RAI14: variants seen among roughly 807,000 people sequenced by gnomAD.
RAI14 encodes the protein retinoic acid induced 14.
Under a neutral mutation model 115.4 loss-of-function variants are expected in RAI14, and 45 were observed. That is an observed-to-expected ratio of 0.39 (90% CI 0.31 to 0.50). The LOEUF (loss-of-function observed/expected upper bound fraction) is 0.50. Among genes scored for constraint, RAI14 ranks in the 20% least tolerant of loss-of-function variants. The pLI, the probability that RAI14 is intolerant of heterozygous loss-of-function variation, is 0.85. For missense variants in RAI14, 939 were observed against 1,131.2 expected (o/e 0.83, Z 2.44); for synonymous variants, 371 against 415.4 (o/e 0.89, Z 1.30).
At position 34,718,636 on chromosome 5, in the gene RAI14, A is replaced by G. The variant is rs990135925; in HGVS notation, c.36+31681A>G. Among the ~76,000 whole-genome samples the G allele has an allele frequency of 2.6e-5, 4 of 152,302 alleles. No individual in the cohort carries two copies. The South Asian group carries it at 8.3e-4, about 32-fold the overall frequency. On this transcript the variant is annotated intron_variant, in intron 2 of 17. Coordinates refer to ENST00000265109, the MANE Select transcript of RAI14 (RefSeq NM_015577.3). ...GGCCAAAGCCCCCAGGTTGGGATCT[A>G]CTGGGAGAATCAAAAGATTGTGAAT...
chr5:34,781,298 C>T (rs1263910621), intron 3 of RAI14, among the ~76,000 whole-genome samples: 2 of 151,726 alleles, frequency 1.3e-5, no homozygotes. Flanking sequence ...GTGCAGCACA[C>T]CAACGTGGCA....
Position 34,747,437 on chromosome 5 carries a change from C to G in RAI14, c.37-10031C>G, listed in dbSNP as rs201646843. 2.6e-5 allele frequency among the ~76,000 whole-genome samples: 4 copies of G among 152,314 alleles called. No individual in the cohort carries two copies. The East Asian group carries it at 7.7e-4, about 29-fold the overall frequency. On this transcript the variant is annotated intron_variant, in intron 2 of 17. Coordinates refer to ENST00000265109, the MANE Select transcript of RAI14 (RefSeq NM_015577.3). Reference sequence around the variant, plus strand: ...ACATAAGTAGCTATTGGGTATGTTTCTCTTCTCAGAAGTCTGAAGGCTCCT... The same window carrying G: ...ACATAAGTAGCTATTGGGTATGTTTGTCTTCTCAGAAGTCTGAAGGCTCCT...
chr5:34,820,390 G>T (rs1756699072), intron 13 of RAI14, among the ~76,000 whole-genome samples: 1 of 152,284 alleles, frequency 6.6e-6, no homozygotes, highest in Admixed American at 6.5e-5. Flanking sequence ...GACCAGCCTG[G>T]CCAATGTGGC....
chr5:34,725,534 T>C (rs960983439), intron 2 of RAI14, among the ~76,000 whole-genome samples: 2 of 151,928 alleles, frequency 1.3e-5, no homozygotes, highest in Admixed American at 6.6e-5. Context: ...CAGAAAATAT[T>C]TGTAGCCAAA....
In RAI14 at chr5:34,664,331, T is replaced by TA. The variant is rs1210559321; in HGVS notation, c.-49+7867dup. Among the ~76,000 whole-genome samples the TA allele has an allele frequency of 4.4e-3, 591 of 135,368 alleles. 11 individuals carry two copies. The highest frequency in any genetic ancestry group is 0.015 in the African/African-American group (545 of 36,414). 88.8% of individuals were successfully genotyped at this position (135,368 alleles called of 152,430 possible). On this transcript the variant is annotated intron_variant, in intron 1 of 17. Coordinates refer to ENST00000265109, the MANE Select transcript of RAI14 (RefSeq NM_015577.3). ...ATGGCACAAAACCCCATATCTACTT[T>TA]AAAAAAAAAAAGTATATTTATATTG...
At chr5:34,728,244 ACTTGT>A (rs1025830595) in intron 2 of RAI14, among the ~76,000 whole-genome samples, 10 of 152,090 alleles carry the variant, frequency 6.6e-5, no homozygotes, top group African/African-American at 2.4e-4. Flanking sequence ...GATGGAAGGG[ACTTGT>A]CTTGTCTCAG....
intron 2 of RAI14, among the ~76,000 whole-genome samples, chr5:34,726,562 A>T (rs764640534): frequency 3.9e-5 from 6 of 152,164 alleles, no homozygotes; most frequent in Non-Finnish European, 8.8e-5. Flanking sequence ...TGAGATTTGG[A>T]TGGGGACACA....
At chr5:34,792,352 G>A (rs1442166290) in intron 3 of RAI14, among the ~76,000 whole-genome samples, 1 of 149,274 alleles carries the variant, frequency 6.7e-6, no homozygotes, top group African/African-American at 2.5e-5. Flanking sequence ...TCCTCTCTCA[G>A]CCTCCCGAGT....
chr5:34,808,532 G>A (rs1184082132), intron 6 of RAI14, 52 bp from the exon 7 acceptor site: 2 of 1,522,956 alleles, frequency 1.3e-6, no homozygotes, highest in Non-Finnish European at 1.8e-6. Context: ...GATACCCCTG[G>A]TTGTGAATAA....
intron 7 of RAI14, among the ~76,000 whole-genome samples, chr5:34,809,736 A>G (rs1755362229): frequency 6.6e-6 from 1 of 152,148 alleles, no homozygotes; most frequent in Admixed American, 6.6e-5. Context: ...TCTACCATCA[A>G]TGTAATTACA....
At chr5:34,712,622 T>G (rs1414684890) in intron 2 of RAI14, among the ~76,000 whole-genome samples, 1 of 152,246 alleles carries the variant, frequency 6.6e-6, no homozygotes, top group Non-Finnish European at 1.5e-5. Flanking sequence ...AAATGCCTTA[T>G]GTATGTTATT....
chr5:34,662,999 G>C (rs1399622540), intron 1 of RAI14, among the ~76,000 whole-genome samples: 1 of 151,992 alleles, frequency 6.6e-6, no homozygotes, highest in African/African-American at 2.4e-5. Context: ...GCCTCCCAAA[G>C]TGCTGGGATT....
chr5:34,723,190 A>C (rs2150001231), intron 2 of RAI14, among the ~76,000 whole-genome samples: 1 of 152,090 alleles, frequency 6.6e-6, no homozygotes, highest in African/African-American at 2.4e-5. Flanking sequence ...CTCCAGAGAA[A>C]CACAACCAAT....
intron 1 of RAI14, chr5:34,685,758 G>A (rs945343612): frequency 6.6e-6 from 1 of 152,008 alleles, no homozygotes; most frequent in Non-Finnish European, 1.5e-5. Flanking sequence ...ACTTTTGAAG[G>A]GTGGCAACTA....
In RAI14 at chr5:34,811,637, C is replaced by T. The variant is rs1755597800; in HGVS notation, c.558-130C>T. Reference sequence around the variant, plus strand: ...TTGATTGCATTCCACTTCGAATTCCCTGAAGATTAAGTGTAATAAAGGTTT... The same window carrying T: ...TTGATTGCATTCCACTTCGAATTCCTTGAAGATTAAGTGTAATAAAGGTTT... On this transcript the variant is annotated intron_variant, in intron 8 of 17. Transcript: ENST00000265109. The T allele has an allele frequency of 3.9e-6, 3 of 760,004 alleles. No homozygotes were observed. The East Asian group carries it at 9.0e-5, about 23-fold the overall frequency. The allele number at this position is 760,004 out of a possible 1,614,324, so 47.1% of individuals were successfully genotyped here.
chr5:34,768,098 T>A (rs111380326), intron 3 of RAI14, among the ~76,000 whole-genome samples: 46,499 of 151,834 alleles, frequency 0.31, 7,703 homozygotes, highest in Middle Eastern at 0.41. Flanking sequence ...AGCAGCTGGG[T>A]GGGAGGCTGT....
chr5:34,746,085 A>T (rs949755694), intron 2 of RAI14, among the ~76,000 whole-genome samples: 15 of 33,360 alleles, frequency 4.5e-4, no homozygotes, highest in South Asian at 1.7e-3. Context: ...CTTATACACC[A>T]CCCCCTCCCC....
At chr5:34,786,492 G>A (rs909666774) in intron 3 of RAI14, among the ~76,000 whole-genome samples, 7 of 152,026 alleles carry the variant, frequency 4.6e-5, no homozygotes, top group Non-Finnish European at 7.4e-5. Context: ...CAAACAAACC[G>A]GCTCTGTTAC....
intron 11 of RAI14, 139 bp downstream of exon 11, chr5:34,813,799 T>C: frequency 2.0e-6 from 1 of 497,994 alleles, no homozygotes; most frequent in Non-Finnish European, 3.4e-6. Context: ...CAGTTTTAAA[T>C]TACAAATTGT....
Sources: allele counts gnomAD v4.1 joint callset (sites outside exome capture counted in the v4.1 genomes callset), GRCh38; gene constraint gnomAD v4.1.1; transcripts MANE v1.5; gene names NCBI Gene and HGNC (gene_info 2026-07-23, HGNC 2026-07-21).